Variants in AP1S3 observed in about 807,000 individuals in gnomAD.
AP1S3 encodes adaptor related protein complex 1 subunit sigma 3.
A neutral mutation model predicts 20.9 loss-of-function variants in AP1S3; 10 were observed. That is an observed-to-expected ratio of 0.48 (90% confidence interval 0.29 to 0.81). The LOEUF is 0.81. Ranked by LOEUF, AP1S3 falls within the 30% of genes least tolerant of loss-of-function variation. The pLI, the probability that AP1S3 is intolerant of heterozygous loss-of-function variation, is 0.08. For missense variants in AP1S3, 154 were observed against 183.8 expected, an observed-to-expected ratio of 0.84 and a Z score of 0.94; for synonymous variants, 41 against 61.5, an observed-to-expected ratio of 0.67 and a Z score of 1.56.
intron 1 of AP1S3, among the ~76,000 whole-genome samples, chr2:223,789,610 T>C (rs1468612698): frequency 6.9e-6 from 1 of 145,712 alleles, no homozygotes; most frequent in Admixed American, 7.1e-5. Flanking sequence ...GAGGCCAAGG[T>C]GGGTGGATCA....
intron 1 of AP1S3, among the ~76,000 whole-genome samples, chr2:223,832,817 T>C (rs1692307844): frequency 6.6e-6 from 1 of 150,612 alleles, no homozygotes; most frequent in South Asian, 2.1e-4. Context: ...CTTTTTTTTT[T>C]TTTTTTTTAG....
At chr2:223,831,431 G>A (rs1232658044) in intron 1 of AP1S3, among the ~76,000 whole-genome samples, 1 of 152,190 alleles carries the variant, frequency 6.6e-6, no homozygotes, top group Non-Finnish European at 1.5e-5. Flanking sequence ...ACCGTGCCCG[G>A]TCAAGAAATA....
intron 1 of AP1S3, among the ~76,000 whole-genome samples, chr2:223,778,124 G>A (rs866333147): frequency 1.0e-3 from 148 of 146,802 alleles, no homozygotes; most frequent in African/African-American, 3.8e-3. Context: ...TTTTTTGTTT[G>A]TTTGTTTGTT....
chr2:223,757,494 G>T lies in AP1S3; in HGVS notation c.*1221C>A. On this transcript the variant is annotated 3_prime_UTR_variant, in exon 5 of 5. Transcript: ENST00000396654. ...GTAGAGATGGGGTTTCATCATATTG[G>T]CCAGGCTGCTCTCGAACTCCTGACC... The T allele has an allele frequency of 3.2e-6, 2 of 626,322 alleles. No homozygotes were observed. Among genetic ancestry groups the T allele is most frequent in the Non-Finnish European group, 2.0e-6 (1 of 502,968 alleles). 38.8% of individuals were successfully genotyped at this position (626,322 alleles called of 1,614,324 possible).
At chr2:223,797,276 T>C (rs1176131622) in intron 1 of AP1S3, among the ~76,000 whole-genome samples, 1 of 151,270 alleles carries the variant, frequency 6.6e-6, no homozygotes, top group Non-Finnish European at 1.5e-5. Context: ...CAATAGGGGG[T>C]GGAGGAGAGA....
chr2:223,807,869 T>TTTTC (rs1459214143), intron 1 of AP1S3, among the ~76,000 whole-genome samples: 1 of 93,536 alleles, frequency 1.1e-5, no homozygotes, highest in Non-Finnish European at 2.1e-5. Context: ...TTTCTTTTCT[T>TTTTC]TTTTTTTTTT....
intron 1 of AP1S3, among the ~76,000 whole-genome samples, chr2:223,828,016 G>GTCA (rs1692171497): frequency 7.7e-6 from 1 of 130,696 alleles, no homozygotes; most frequent in Non-Finnish European, 1.6e-5. Flanking sequence ...CCAAGATCGT[G>GTCA]TCATTGCACT....
chr2:223,756,034 T>C lies in AP1S3; in HGVS notation c.*2681A>G, dbSNP rs926823635. On this transcript the variant is annotated 3_prime_UTR_variant, in exon 5 of 5. Coordinates refer to ENST00000396654, the MANE Select transcript of AP1S3 (RefSeq NM_001039569.2). ...TTACATGAGGTCCATCTTTACAAAA[T>C]TGTATTGAAAAATAAAGAATTTGGC... is the stretch of plus-strand genomic sequence containing the variant. 3 of 985,402 alleles carry C rather than the reference T, an allele frequency of 3.0e-6. No individual in the cohort carries two copies. The highest frequency in any genetic ancestry group is 3.6e-6 in the Non-Finnish European group (3 of 829,926). The allele number at this position is 985,402 out of a possible 1,614,324, so 61.0% of individuals were successfully genotyped here.
rs12694622 is a variant in AP1S3, at chr2:223,832,234, G to C, written c.3+5214C>G. ...TATGTCTTAAAATGAAATAATTCACGGGACCCAAAAGGGCAGACATTGACA... is the reference window on the plus strand; with the variant it reads ...TATGTCTTAAAATGAAATAATTCACCGGACCCAAAAGGGCAGACATTGACA... On this transcript the variant is annotated intron_variant, in intron 1 of 4. Coordinates refer to ENST00000396654, the MANE Select transcript of AP1S3 (RefSeq NM_001039569.2). 4.7e-5 allele frequency among the ~76,000 whole-genome samples: 7 copies of C among 149,838 alleles called. No individual in the cohort carries two copies. In the East Asian group the frequency reaches 8.0e-4, roughly 17 times the overall value.
At chr2:223,795,178 G>A (rs1250127119) in intron 1 of AP1S3, among the ~76,000 whole-genome samples, 1 of 152,140 alleles carries the variant, frequency 6.6e-6, no homozygotes, top group Non-Finnish European at 1.5e-5. Flanking sequence ...GAACCCAGGA[G>A]GTAGAGGTTG....
rs775000674 is a variant in AP1S3 at position 223,828,295 on chromosome 2, CTT to C, written c.3+9151_3+9152del. On this transcript the variant is annotated intron_variant, in intron 1 of 4. Transcript: ENST00000396654. ...CCCCTCACCACATTCTCCTCTCTCT[CTT>C]TTTTTTTTTTTTTTTTTGAGACAGA... 1.2e-4 allele frequency among the ~76,000 whole-genome samples: 16 copies of C among 131,388 alleles called. 1 individual carries two copies. Among genetic ancestry groups the C allele is most frequent in the East Asian group, 6.8e-4 (3 of 4,398 alleles). 86.2% of individuals were successfully genotyped at this position (131,388 alleles called of 152,430 possible). A position where few individuals can be genotyped will look rare whatever the true frequency, so the allele number is the denominator to read the frequency against.
At position 223,758,111 on chromosome 2, in the gene AP1S3, A is replaced by G; in HGVS notation, c.*604T>C. ...GCATCAAAAACACTTATTAAGTTCT[A>G]TACTCTTTGGTTATTTTCATAATCC... is the stretch of plus-strand genomic sequence containing the variant. On this transcript the variant is annotated 3_prime_UTR_variant, in exon 5 of 5. Transcript: ENST00000396654. 1.0e-6 allele frequency: 1 copy of G among 983,274 alleles called. No homozygotes were observed. Among genetic ancestry groups the G allele is most frequent in the Non-Finnish European group, 1.2e-6 (1 of 828,476 alleles). The allele number at this position is 983,274 out of a possible 1,614,324, so 60.9% of individuals were successfully genotyped here. A position where few individuals can be genotyped will look rare whatever the true frequency, so the allele number is the denominator to read the frequency against.
Position 223,758,384 on chromosome 2 carries a change from A to G in AP1S3, c.*331T>C. 9.6e-7 allele frequency: 1 copy of G among 1,045,776 alleles called. No homozygotes were observed. The highest frequency in any genetic ancestry group is 1.1e-6 in the Non-Finnish European group (1 of 869,680). 64.8% of individuals were successfully genotyped at this position (1,045,776 alleles called of 1,614,324 possible). Reference sequence around the variant, plus strand: ...CAATATTGTGTCAAATGCAAAAAAAATTGCAGCTAATGTATCTAAACCAGC... The same window carrying G: ...CAATATTGTGTCAAATGCAAAAAAAGTTGCAGCTAATGTATCTAAACCAGC... On this transcript the variant is annotated 3_prime_UTR_variant, in exon 5 of 5. Transcript: ENST00000396654.
At chr2:223,765,456 A>G in intron 3 of AP1S3, 106 bp from the exon 4 acceptor site, 1 of 1,199,930 alleles carries the variant, frequency 8.3e-7, no homozygotes, top group Non-Finnish European at 1.1e-6. Context: ...GCGTACCAAA[A>G]ATAAAAATAT....
chr2:223,760,785 C>G (rs1271707032), intron 4 of AP1S3, among the ~76,000 whole-genome samples: 1 of 152,174 alleles, frequency 6.6e-6, no homozygotes, highest in Non-Finnish European at 1.5e-5. Flanking sequence ...AAAATGGTTG[C>G]ATGTTATTTT....
At position 223,766,288 on chromosome 2, in the gene AP1S3, T is replaced by C. The variant is rs1034865860; in HGVS notation, c.292-938A>G. 2.0e-5 allele frequency among the ~76,000 whole-genome samples: 3 copies of C among 152,196 alleles called. No individual in the cohort carries two copies. The East Asian group carries it at 5.8e-4, about 29-fold the overall frequency. ...CTTTTTGATGGGGTTGTTTTTTTTCTTGTACATTTGTTTAAGTTCTTTGTA... is the reference window on the plus strand; with the variant it reads ...CTTTTTGATGGGGTTGTTTTTTTTCCTGTACATTTGTTTAAGTTCTTTGTA... On this transcript the variant is annotated intron_variant, in intron 3 of 4. Transcript: ENST00000396654.
intron 1 of AP1S3, among the ~76,000 whole-genome samples, chr2:223,804,511 C>T (rs1276958028): frequency 6.6e-6 from 1 of 152,054 alleles, no homozygotes; most frequent in Non-Finnish European, 1.5e-5. Flanking sequence ...CCAACCTGGG[C>T]AATATAGTGA....
intron 1 of AP1S3, among the ~76,000 whole-genome samples, chr2:223,816,781 T>C (rs1194783180): frequency 6.6e-6 from 1 of 152,304 alleles, no homozygotes; most frequent in South Asian, 2.1e-4. Flanking sequence ...GTCAACATAC[T>C]ACAGACTGCT....
At chr2:223,803,637 T>C (rs1011720587) in intron 1 of AP1S3, among the ~76,000 whole-genome samples, 3 of 152,102 alleles carry the variant, frequency 2.0e-5, no homozygotes, top group African/African-American at 7.2e-5. Context: ...GGAAGTATCT[T>C]GGGAGGCTGA....
Sources: allele counts gnomAD v4.1 joint callset (sites outside exome capture counted in the v4.1 genomes callset), GRCh38; gene constraint gnomAD v4.1.1; transcripts MANE v1.5; gene names NCBI Gene and HGNC (gene_info 2026-07-23, HGNC 2026-07-21).